The following SEC24B variants were observed in gnomAD, a reference collection of about 807,000 sequenced individuals.
SEC24B encodes SEC24 homolog B, COPII component.
A neutral mutation model predicts 142.8 loss-of-function variants in SEC24B; 45 were observed. That is an observed-to-expected ratio of 0.32 (90% confidence interval 0.25 to 0.40). SEC24B has a LOEUF of 0.40. Among genes scored for constraint, SEC24B ranks in the 10% least tolerant of loss-of-function variants. The probability of loss-of-function intolerance (pLI) is 1.00; values close to 1 mark genes in which losing one functional copy is unlikely to be tolerated. For synonymous variants in SEC24B, 574 were observed against 568.2 expected, an observed-to-expected ratio of 1.01 and a Z score of -0.15; for missense variants, 1,409 against 1,526.8, an observed-to-expected ratio of 0.92 and a Z score of 1.29.
intron 16 of SEC24B, among the ~76,000 whole-genome samples, chr4:109,525,839 T>C (rs1329599750): frequency 3.9e-5 from 6 of 152,180 alleles, no homozygotes; most frequent in Non-Finnish European, 2.9e-5. Flanking sequence ...TCATTTAATG[T>C]ACACTTCCTT....
intron 2 of SEC24B, among the ~76,000 whole-genome samples, chr4:109,466,004 G>A (rs1731814165): frequency 1.3e-5 from 2 of 151,820 alleles, no homozygotes; most frequent in South Asian, 4.2e-4. Flanking sequence ...TTCAGAGGTT[G>A]ACAAATTAAA....
chr4:109,436,493 GTGT>G (rs1728422030), intron 1 of SEC24B, among the ~76,000 whole-genome samples: 1 of 152,360 alleles, frequency 6.6e-6, no homozygotes, highest in South Asian at 2.1e-4. Flanking sequence ...ACTCACTTCA[GTGT>G]TGTGGTGTGA....
In SEC24B at chr4:109,534,744, A is replaced by C. The variant is rs182579091; in HGVS notation, c.3588+1059A>C. Among the ~76,000 whole-genome samples, 893 of 152,364 alleles carry C rather than the reference A, an allele frequency of 5.9e-3. 9 individuals carry two copies. Among genetic ancestry groups the C allele is most frequent in the African/African-American group, 0.02 (840 of 41,584 alleles). ...AAACTCTTACGATTATCTGTAACTC[A>C]AAAGACTGAAAACGGGCTAACTTCT... On this transcript the variant is annotated intron_variant, in intron 22 of 23. Coordinates refer to ENST00000265175, the MANE Select transcript of SEC24B (RefSeq NM_006323.5).
At position 109,462,885 on chromosome 4, in the gene SEC24B, A is replaced by C; in HGVS notation, c.134-16A>C. The C allele has an allele frequency of 1.2e-5, 8 of 666,192 alleles. No individual in the cohort carries two copies. The highest frequency in any genetic ancestry group is 1.6e-5 in the Non-Finnish European group (7 of 444,404). 41.3% of individuals were successfully genotyped at this position (666,192 alleles called of 1,614,324 possible). A position where few individuals can be genotyped will look rare whatever the true frequency, so the allele number is the denominator to read the frequency against. Reference sequence around the variant, plus strand: ...GTTATCTCTTTACAAATACCTGTAAATACTTGCTTTTTCAGGTCCAGCCCA... The same window carrying C: ...GTTATCTCTTTACAAATACCTGTAACTACTTGCTTTTTCAGGTCCAGCCCA... On this transcript the variant is annotated splice_polypyrimidine_tract_variant and intron_variant, in intron 1 of 23. Coordinates refer to ENST00000265175, the MANE Select transcript of SEC24B (RefSeq NM_006323.5).
At chr4:109,511,596 A>G (rs1418403317) in intron 8 of SEC24B, among the ~76,000 whole-genome samples, 2 of 152,230 alleles carry the variant, frequency 1.3e-5, no homozygotes, top group African/African-American at 4.8e-5. Context: ...TGGCAGTCTA[A>G]TGAGCAGTGC....
chr4:109,507,885 T>C (rs867665288), intron 7 of SEC24B, among the ~76,000 whole-genome samples: 1 of 152,068 alleles, frequency 6.6e-6, no homozygotes, highest in African/African-American at 2.4e-5. Context: ...CCTCAGGTGA[T>C]CCGCCCACCT....
rs146469696 is a variant in SEC24B at position 109,499,468 on chromosome 4, T to C, written c.1488+4612T>C. Among the ~76,000 whole-genome samples, 526 of 151,910 alleles carry C rather than the reference T, an allele frequency of 3.5e-3. 8 individuals are homozygous for C. Among genetic ancestry groups the C allele is most frequent in the African/African-American group, 0.012 (499 of 41,442 alleles). ...ACTTGGGCAATATAGCAAGAACCTGTGACAAAAGAAAAAAAAAATCCTTGT... is the reference window on the plus strand; with the variant it reads ...ACTTGGGCAATATAGCAAGAACCTGCGACAAAAGAAAAAAAAAATCCTTGT... On this transcript the variant is annotated intron_variant, in intron 6 of 23. Transcript: ENST00000265175.
At chr4:109,515,070 C>T (rs772038238) in intron 10 of SEC24B, among the ~76,000 whole-genome samples, 1 of 152,020 alleles carries the variant, frequency 6.6e-6, no homozygotes, top group Non-Finnish European at 1.5e-5. Flanking sequence ...CCATATGATT[C>T]ATATGGCCCT....
chr4:109,472,525 G>A (rs1732631162), intron 2 of SEC24B, among the ~76,000 whole-genome samples: 1 of 152,152 alleles, frequency 6.6e-6, no homozygotes, highest in Admixed American at 6.6e-5. Context: ...TGCAAAATGA[G>A]ATCTGAACTG....
intron 1 of SEC24B, among the ~76,000 whole-genome samples, chr4:109,437,806 G>T (rs937287073): frequency 2.0e-5 from 3 of 152,124 alleles, no homozygotes; most frequent in Admixed American, 1.3e-4. Flanking sequence ...TGTATTTTTA[G>T]TAGAGATGGA....
At chr4:109,526,797 G>A in intron 17 of SEC24B, among the ~76,000 whole-genome samples, 1 of 152,166 alleles carries the variant, frequency 6.6e-6, no homozygotes, top group East Asian at 1.9e-4. Flanking sequence ...TATAGCGTAT[G>A]TTCATACTCT....
chr4:109,510,064 G>A lies in SEC24B; in HGVS notation c.1729G>A (p.Ala577Thr), dbSNP rs552342621. Residue 577 changes from alanine (A) to threonine (T), a missense_variant, in exon 8 of 24, where the codon GCT becomes ACT. Physicochemically the swap from Ala to Thr is moderately conservative, Grantham distance 58. This residue lies in a region of SEC24B where 700 missense variants were observed against 853.3 expected (regional missense o/e 0.82). Coordinates refer to ENST00000265175, the MANE Select transcript of SEC24B (RefSeq NM_006323.5). ...IPQTQALLNK[A>T]KLPLGLLLHP... ...ACAGACACAGGCTTTACTGAATAAA[G>A]CTAAGCTTCCTTTAGGATTGTTGTT... is the stretch of plus-strand genomic sequence containing the variant. 9 of 1,610,022 alleles carry A rather than the reference G, an allele frequency of 5.6e-6. No individual in the cohort carries two copies. The Admixed American group carries it at 1.3e-4, about 24-fold the overall frequency.
Position 109,533,635 on chromosome 4 carries a change from A to G in SEC24B, c.3538A>G (p.Ile1180Val). ...WVGKGCDNNF[I>V]EDVLGYTNFA... ...TGGGAAAGGCTGTGACAATAACTTC[A>G]TAGAGGATGTGCTTGGATATACTAA... is the stretch of plus-strand genomic sequence containing the variant. Residue 1180 changes from isoleucine to valine, a missense_variant, in exon 22 of 24, where the codon ATA becomes GTA. This residue lies in a region of SEC24B where 700 missense variants were observed against 853.3 expected (regional missense o/e 0.82). Transcript: ENST00000265175. 1 of 1,611,204 alleles carries G rather than the reference A, an allele frequency of 6.2e-7. No individual in the cohort carries two copies. Among genetic ancestry groups the G allele is most frequent in the Non-Finnish European group, 8.5e-7 (1 of 1,179,012 alleles).
intron 18 of SEC24B, 105 bp from the exon 19 acceptor site, chr4:109,530,184 A>T (rs117420398): frequency 4.2e-6 from 4 of 954,180 alleles, no homozygotes; most frequent in South Asian, 2.4e-5. Context: ...CATCCTAAAA[A>T]CTTAGCTGAA....
Position 109,494,822 on chromosome 4 carries a change from A to G in SEC24B, c.1454A>G (p.Asn485Ser), listed in dbSNP as rs979078111. 1.2e-6 allele frequency: 2 copies of G among 1,613,992 alleles called. No individual in the cohort carries two copies. Among genetic ancestry groups the G allele is most frequent in the South Asian group, 1.1e-5 (1 of 91,084 alleles). Residue 485 changes from asparagine (N) to serine (S), a missense_variant, in exon 6 of 24, where the codon AAC becomes AGC. By Grantham distance (46) the Asn-to-Ser change is conservative. Coordinates refer to ENST00000265175, the MANE Select transcript of SEC24B (RefSeq NM_006323.5). ...CTTATTTCTGGAGTACAGCCCAGTAACCCGGTATATTCTGGATTCCAGCAG... is the reference window on the plus strand; with the variant it reads ...CTTATTTCTGGAGTACAGCCCAGTAGCCCGGTATATTCTGGATTCCAGCAG... Reference protein sequence around the residue: ...APLISGVQPSNPVYSGFQQYP... With the variant: ...APLISGVQPSSPVYSGFQQYP...
At chr4:109,451,548 C>T (rs1347987059) in intron 1 of SEC24B, among the ~76,000 whole-genome samples, 3 of 152,030 alleles carry the variant, frequency 2.0e-5, no homozygotes, top group Non-Finnish European at 2.9e-5. Context: ...GTATCCTTTT[C>T]CCCCAATCTT....
rs551784924 is a variant in SEC24B at position 109,462,457 on chromosome 4, C to T, written c.134-444C>T. On this transcript the variant is annotated intron_variant, in intron 1 of 23. Transcript: ENST00000265175. ...TGGAGGATCTGCCTGAAAGCTCAGTCGTGGTTGTTGGCAGATCTTAGTTTC... is the reference window on the plus strand; with the variant it reads ...TGGAGGATCTGCCTGAAAGCTCAGTTGTGGTTGTTGGCAGATCTTAGTTTC... 2.6e-5 allele frequency among the ~76,000 whole-genome samples: 4 copies of T among 152,224 alleles called. No homozygotes were observed. The East Asian group carries it at 7.7e-4, about 29-fold the overall frequency.
Position 109,458,235 on chromosome 4 carries a change from T to A in SEC24B, c.134-4666T>A, listed in dbSNP as rs533229472. On this transcript the variant is annotated intron_variant, in intron 1 of 23. Coordinates refer to ENST00000265175, the MANE Select transcript of SEC24B (RefSeq NM_006323.5). Reference sequence around the variant, plus strand: ...TATTTGTTTTATTTTGAATATTTTTTAAATAGTTTTCATTTCTCTCGATAT... The same window carrying A: ...TATTTGTTTTATTTTGAATATTTTTAAAATAGTTTTCATTTCTCTCGATAT... 1.1e-4 allele frequency among the ~76,000 whole-genome samples: 16 copies of A among 152,350 alleles called. No homozygotes were observed. The South Asian group carries it at 2.5e-3, about 24-fold the overall frequency.
At chr4:109,459,093 A>T (rs1461513225) in intron 1 of SEC24B, among the ~76,000 whole-genome samples, 1 of 152,228 alleles carries the variant, frequency 6.6e-6, no homozygotes, top group Non-Finnish European at 1.5e-5. Context: ...ATATGTGTAC[A>T]TAATGCACTG....
Sources: allele counts gnomAD v4.1 joint callset (sites outside exome capture counted in the v4.1 genomes callset), GRCh38; gene constraint gnomAD v4.1.1; regional missense constraint gnomAD v4.1.1; transcripts MANE v1.5; gene names NCBI Gene and HGNC (gene_info 2026-07-23, HGNC 2026-07-21).